RNF157: variants seen among roughly 807,000 people sequenced by gnomAD.
RNF157 encodes the protein E3 ubiquitin ligase RNF157.
In RNF157, 55 loss-of-function variants were observed where a neutral mutation model predicts 88.3. The observed-to-expected ratio is 0.62, with a 90% CI of 0.50 to 0.78. RNF157 has a LOEUF of 0.78. Ranked by LOEUF, RNF157 falls within the 30% of genes least tolerant of loss-of-function variation. The pLI is 0.00. For synonymous variants in RNF157, 334 were observed against 341.2 expected (o/e 0.98, Z 0.23); for missense variants, 788 against 860.8 (o/e 0.92, Z 1.06).
chr17:76,182,869 A>C (rs2069220980), intron 2 of RNF157, among the ~76,000 whole-genome samples: 1 of 145,504 alleles, frequency 6.9e-6, no homozygotes, highest in Non-Finnish European at 1.5e-5. Context: ...TATATATCCT[A>C]TATATCATAA....
intron 2 of RNF157, among the ~76,000 whole-genome samples, chr17:76,207,942 T>C (rs950853778): frequency 7.9e-5 from 12 of 152,186 alleles, no homozygotes; most frequent in Admixed American, 2.6e-4. Flanking sequence ...TATTTATTTA[T>C]TGAGACAGGT....
chr17:76,187,464 A>C (rs1472608458), intron 2 of RNF157, among the ~76,000 whole-genome samples: 3 of 152,180 alleles, frequency 2.0e-5, no homozygotes, highest in African/African-American at 7.2e-5. Flanking sequence ...GATTACAGGC[A>C]TGAGCCACGG....
chr17:76,222,119 G>A (rs1386504765), intron 1 of RNF157, among the ~76,000 whole-genome samples: 1 of 152,206 alleles, frequency 6.6e-6, no homozygotes, highest in African/African-American at 2.4e-5. Context: ...GCTGAGGCAG[G>A]TGGATCACTT....
chr17:76,182,764 T>TATATATATATATATATATATATAC (rs2069212473), intron 2 of RNF157, among the ~76,000 whole-genome samples: 1 of 135,180 alleles, frequency 7.4e-6, no homozygotes, highest in African/African-American at 3.1e-5. Context: ...TCGTCTCATA[T>TATATATATATATATATATATATAC]ATATATATAT....
At chr17:76,203,664 C>T (rs2069626281) in intron 2 of RNF157, among the ~76,000 whole-genome samples, 1 of 151,322 alleles carries the variant, frequency 6.6e-6, no homozygotes, top group African/African-American at 2.4e-5. Flanking sequence ...GCTGGCCAGG[C>T]TGGTCTTAAA....
At chr17:76,207,206 A>T (rs2069695512) in intron 2 of RNF157, among the ~76,000 whole-genome samples, 1 of 152,170 alleles carries the variant, frequency 6.6e-6, no homozygotes, top group South Asian at 2.1e-4. Context: ...GCTTGAAGCT[A>T]GGAGATTGAG....
intron 2 of RNF157, among the ~76,000 whole-genome samples, chr17:76,197,503 A>T (rs939247979): frequency 6.6e-6 from 1 of 152,236 alleles, no homozygotes; most frequent in African/African-American, 2.4e-5. Flanking sequence ...TCTTTATAAG[A>T]AAAACTAAAA....
intron 1 of RNF157, among the ~76,000 whole-genome samples, chr17:76,231,411 T>C (rs2070190479): frequency 6.6e-6 from 1 of 152,204 alleles, no homozygotes; most frequent in South Asian, 2.1e-4. Flanking sequence ...AGAAAGTGGC[T>C]TGTCTTCTCA....
At chr17:76,182,930 G>A (rs1378512136) in intron 2 of RNF157, among the ~76,000 whole-genome samples, 1 of 150,402 alleles carries the variant, frequency 6.6e-6, no homozygotes, top group East Asian at 1.9e-4. Context: ...AGAAAGTATT[G>A]ATATTGTATA....
chr17:76,165,668 GTTATATAACCCA>G, intron 6 of RNF157, 123 bp from the exon 7 acceptor site: 1 of 981,678 alleles, frequency 1.0e-6, no homozygotes, highest in African/African-American at 1.6e-5. Context: ...GAAGGGGCAC[GTTATATAACCCA>G]TACTTTTTTT....
At chr17:76,222,342 G>A (rs1451161299) in intron 1 of RNF157, among the ~76,000 whole-genome samples, 4 of 145,234 alleles carry the variant, frequency 2.8e-5, no homozygotes, top group African/African-American at 5.1e-5. Flanking sequence ...GCAAGACCCC[G>A]TCTCAAAAAA....
intron 1 of RNF157, among the ~76,000 whole-genome samples, chr17:76,236,621 A>G (rs1299249531): frequency 1.3e-5 from 2 of 152,258 alleles, no homozygotes; most frequent in African/African-American, 4.8e-5. Flanking sequence ...AATGATTAAT[A>G]TTCACACAAT....
chr17:76,192,049 C>G (rs536896582), intron 2 of RNF157, among the ~76,000 whole-genome samples: 5 of 152,276 alleles, frequency 3.3e-5, no homozygotes, highest in Admixed American at 1.3e-4. Flanking sequence ...CTTTGAAATG[C>G]AAAACCAGTA....
At chr17:76,187,615 A>C (rs1007915816) in intron 2 of RNF157, among the ~76,000 whole-genome samples, 2 of 151,846 alleles carry the variant, frequency 1.3e-5, no homozygotes, top group African/African-American at 4.8e-5. Context: ...TTTTTCTGAG[A>C]CAGGTTCTCA....
At chr17:76,221,044 T>C (rs1440558532) in intron 1 of RNF157, among the ~76,000 whole-genome samples, 5 of 151,730 alleles carry the variant, frequency 3.3e-5, no homozygotes, top group Non-Finnish European at 7.4e-5. Context: ...TTACTTGAAC[T>C]CAGTAGGTCA....
At chr17:76,164,104 C>CT (rs997962547) in intron 8 of RNF157, 4 of 152,272 alleles carry the variant, frequency 2.6e-5, no homozygotes, top group African/African-American at 7.2e-5. Flanking sequence ...GTGAGATGAC[C>CT]TGCCCCTCAC....
chr17:76,167,501 G>T (rs1196689906), intron 4 of RNF157, 150 bp downstream of exon 4: 1 of 1,151,972 alleles, frequency 8.7e-7, no homozygotes, highest in African/African-American at 1.6e-5. Flanking sequence ...TTCCGCCCTT[G>T]CTGAGTGGAT....
intron 3 of RNF157, 135 bp downstream of exon 3, chr17:76,173,567 T>C: frequency 1.5e-6 from 1 of 653,898 alleles, no homozygotes; most frequent in Non-Finnish European, 2.7e-6. Flanking sequence ...CCCGCACTCC[T>C]GTCTGAGGCC....
At chr17:76,151,489 T>A (rs2068676488) in intron 18 of RNF157, among the ~76,000 whole-genome samples, 1 of 152,172 alleles carries the variant, frequency 6.6e-6, no homozygotes. Context: ...AAGTGAGTCT[T>A]CGTTCAGGGA....
Sources: allele counts gnomAD v4.1 joint callset (sites outside exome capture counted in the v4.1 genomes callset), GRCh38; gene constraint gnomAD v4.1.1; transcripts MANE v1.5; gene names NCBI Gene and HGNC (gene_info 2026-07-23, HGNC 2026-07-21).